ADGRG7: variants seen among roughly 807,000 people sequenced by gnomAD.
ADGRG7 encodes adhesion G protein-coupled receptor G7.
A neutral mutation model predicts 88.6 loss-of-function variants in ADGRG7; 82 were observed. The ratio of observed to expected loss-of-function variants is 0.93; its 90% CI spans 0.77 to 1.11. The LOEUF (loss-of-function observed/expected upper bound fraction) is 1.11, where lower values mean the gene tolerates loss of function less well. Ranked by LOEUF, ADGRG7 falls within the 50% of genes most tolerant of loss-of-function variation. The pLI is 0.00. For missense variants in ADGRG7, 945 were observed against 953.4 expected (o/e 0.99, Z 0.12); for synonymous variants, 381 against 345.2 (o/e 1.10, Z -1.15).
intron 15 of ADGRG7, among the ~76,000 whole-genome samples, chr3:100,678,764 G>C (rs754590512): frequency 6.6e-6 from 1 of 152,216 alleles, no homozygotes; most frequent in African/African-American, 2.4e-5. Flanking sequence ...ATGAGGCAGA[G>C]ACTGTTCTCT....
At chr3:100,682,884 T>G (rs1346511124) in intron 15 of ADGRG7, among the ~76,000 whole-genome samples, 3 of 152,080 alleles carry the variant, frequency 2.0e-5, no homozygotes. Context: ...CGAGGCATCT[T>G]TGCACTCTCA....
At chr3:100,661,367 A>C (rs1378733734) in intron 14 of ADGRG7, among the ~76,000 whole-genome samples, 1 of 152,222 alleles carries the variant, frequency 6.6e-6, no homozygotes, top group Non-Finnish European at 1.5e-5. Flanking sequence ...GTAATACCAG[A>C]TGAGTAAAAG....
At chr3:100,661,661 T>G (rs2094945852) in intron 14 of ADGRG7, among the ~76,000 whole-genome samples, 1 of 152,204 alleles carries the variant, frequency 6.6e-6, no homozygotes, top group Non-Finnish European at 1.5e-5. Context: ...GGCATGTTAA[T>G]GATCTCAAAC....
At chr3:100,628,269 T>C (rs1165250) in intron 1 of ADGRG7, among the ~76,000 whole-genome samples, 2 of 151,878 alleles carry the variant, frequency 1.3e-5, no homozygotes, top group African/African-American at 4.8e-5. Flanking sequence ...GTTTTTTTTT[T>C]AAAAACGTTT....
Position 100,646,082 on chromosome 3 carries a change from T to G in ADGRG7, c.1084T>G (p.Ser362Ala). The change falls in exon 9 of 16, where the codon TCT becomes GCT. Residue 362 changes from serine (S) to alanine (A), a missense_variant. Coordinates refer to ENST00000273352, the MANE Select transcript of ADGRG7 (RefSeq NM_032787.3). ...TGAAAATGAGCAAGATCAGAGTGCT[T>G]CTGTTGACATGGTCTTTAGTCCAAA... ...TDENEQDQSA[S>A]VDMVFSPKYN... 2 of 1,613,888 alleles carry G rather than the reference T, an allele frequency of 1.2e-6. No individual in the cohort carries two copies. Among genetic ancestry groups the G allele is most frequent in the Middle Eastern group, 1.6e-4 (1 of 6,062 alleles).
chr3:100,635,652 G>T (rs755160997), intron 4 of ADGRG7, 25 bp from the exon 5 acceptor site: 31 of 1,601,942 alleles, frequency 1.9e-5, no homozygotes, highest in Non-Finnish European at 2.5e-5. Context: ...TAAAGCTAGG[G>T]TTTTTTTTCT....
At chr3:100,659,655 G>T (rs1190388956) in intron 13 of ADGRG7, 33 bp from the exon 14 acceptor site, 1 of 1,606,438 alleles carries the variant, frequency 6.2e-7, no homozygotes, top group East Asian at 2.2e-5. Context: ...ACCTTTCTTA[G>T]TCTGCTGAAG....
At position 100,667,100 on chromosome 3, in the gene ADGRG7, G is replaced by A. The variant is rs1051975676; in HGVS notation, c.1980-1849G>A. Among the ~76,000 whole-genome samples the A allele has an allele frequency of 2.9e-4, 44 of 152,030 alleles. 1 individual carries two copies. The highest frequency in any genetic ancestry group is 3.4e-3 in the Middle Eastern group (1 of 294). ...GATCTCTCTTGCTTTTCCCCACACC[G>A]CCTCCTGGGTTCAAGCAATTCTCTG... On this transcript the variant is annotated intron_variant, in intron 14 of 15. Transcript: ENST00000273352.
At chr3:100,692,895 C>T (rs543862253) in intron 15 of ADGRG7, among the ~76,000 whole-genome samples, 1 of 152,210 alleles carries the variant, frequency 6.6e-6, no homozygotes, top group East Asian at 1.9e-4. Flanking sequence ...TAAACAAGGA[C>T]CTCAGGTGAT....
Position 100,654,909 on chromosome 3 carries a change from T to C in ADGRG7, c.1454T>C (p.Phe485Ser). The C allele has an allele frequency of 6.2e-7, 1 of 1,614,056 alleles. No individual in the cohort carries two copies. Among genetic ancestry groups the C allele is most frequent in the Non-Finnish European group, 8.5e-7 (1 of 1,179,908 alleles). The stretch of plus-strand genomic sequence containing the variant: ...TCAATGTTGATTTTCAACCTCCTCT[T>C]TGTGTTTGGAATTGAAAACTCCAAT... ...CISMLIFNLL[F>S]VFGIENSNKN... The change falls in exon 12 of 16, where the codon TTT becomes TCT. Residue 485 changes from phenylalanine (F) to serine (S), a missense_variant. Phe to Ser is a radical substitution (Grantham distance 155). Coordinates refer to ENST00000273352, the MANE Select transcript of ADGRG7 (RefSeq NM_032787.3).
At chr3:100,627,084 G>T (rs899718890) in intron 1 of ADGRG7, among the ~76,000 whole-genome samples, 1 of 152,060 alleles carries the variant, frequency 6.6e-6, no homozygotes, top group Non-Finnish European at 1.5e-5. Context: ...GTATTGCACT[G>T]CTAGCATCTT....
chr3:100,667,975 C>T (rs1158746909), intron 14 of ADGRG7, among the ~76,000 whole-genome samples: 2 of 152,140 alleles, frequency 1.3e-5, no homozygotes, highest in African/African-American at 4.8e-5. Flanking sequence ...GTGGGACAAG[C>T]GCAGTATCTG....
intron 1 of ADGRG7, among the ~76,000 whole-genome samples, chr3:100,610,426 C>A (rs1707130801): frequency 6.6e-6 from 1 of 152,198 alleles, no homozygotes; most frequent in Non-Finnish European, 1.5e-5. Context: ...TAAAGAAACT[C>A]ATCACTAAGG....
At chr3:100,675,601 C>A (rs560566624) in intron 15 of ADGRG7, among the ~76,000 whole-genome samples, 3 of 152,150 alleles carry the variant, frequency 2.0e-5, no homozygotes, top group African/African-American at 7.2e-5. Flanking sequence ...GGTTTTGGCA[C>A]CAGGGTAATA....
At position 100,643,512 on chromosome 3, in the gene ADGRG7, T is replaced by C. The variant is rs1296497753; in HGVS notation, c.839-14T>C. 1.4e-5 allele frequency: 22 copies of C among 1,609,340 alleles called. No homozygotes were observed. The highest frequency in any genetic ancestry group is 1.6e-4 in the Middle Eastern group (1 of 6,062). On this transcript the variant is annotated splice_polypyrimidine_tract_variant and intron_variant, in intron 7 of 15. Coordinates refer to ENST00000273352, the MANE Select transcript of ADGRG7 (RefSeq NM_032787.3). ...ATGTAGACTTTTACAATTCTACTCT[T>C]TCCCTTCTCATAGGAGCTAGCAGTT...
At chr3:100,684,150 C>A (rs1367618077) in intron 15 of ADGRG7, among the ~76,000 whole-genome samples, 2 of 151,978 alleles carry the variant, frequency 1.3e-5, no homozygotes, top group African/African-American at 4.8e-5. Context: ...TATGCTAATT[C>A]TTTTATTTTT....
At chr3:100,614,030 G>T (rs1396818801) in intron 1 of ADGRG7, among the ~76,000 whole-genome samples, 2 of 152,180 alleles carry the variant, frequency 1.3e-5, no homozygotes, top group Non-Finnish European at 2.9e-5. Context: ...AGGCTTAAAT[G>T]AGTCAATATA....
intron 1 of ADGRG7, among the ~76,000 whole-genome samples, chr3:100,625,081 T>C (rs1707364118): frequency 6.6e-6 from 1 of 152,214 alleles, no homozygotes. Context: ...AGAATGTCAA[T>C]GGTAGTTTGA....
At chr3:100,637,756 A>C (rs1461361419) in intron 6 of ADGRG7, among the ~76,000 whole-genome samples, 1 of 152,220 alleles carries the variant, frequency 6.6e-6, no homozygotes, top group Non-Finnish European at 1.5e-5. Context: ...GCTACAGAGA[A>C]CAGCTCACTT....
Sources: gnomAD v4.1 joint callset for allele counts (sites outside exome capture counted in the v4.1 genomes callset) on GRCh38, gnomAD v4.1.1 for gene constraint, MANE v1.5 for transcripts, NCBI Gene and HGNC (gene_info 2026-07-23, HGNC 2026-07-21) for gene names.